XYLT1: variants seen among roughly 807,000 people sequenced by gnomAD.
XYLT1 encodes the protein beta-D-xylosyltransferase 1.
Under a neutral mutation model 91.3 loss-of-function variants are expected in XYLT1, and 36 were observed. The ratio of observed to expected loss-of-function variants is 0.39; its 90% CI spans 0.30 to 0.52. XYLT1 has a LOEUF of 0.52. Among genes scored for constraint, XYLT1 ranks in the 20% least tolerant of loss-of-function variants. The pLI is 0.68. For missense variants in XYLT1, 1,242 were observed against 1,284.5 expected, an observed-to-expected ratio of 0.97 and a Z score of 0.51; for synonymous variants, 588 against 532.0, an observed-to-expected ratio of 1.11 and a Z score of -1.45.
At chr16:17,436,122 C>T (rs2036456179) in intron 1 of XYLT1, among the ~76,000 whole-genome samples, 1 of 152,230 alleles carries the variant, frequency 6.6e-6, no homozygotes, top group Non-Finnish European at 1.5e-5. Flanking sequence ...TACCTGCCAT[C>T]AAGTAAGACA....
chr16:17,150,885 G>T (rs1406528718), intron 6 of XYLT1, among the ~76,000 whole-genome samples: 1 of 152,174 alleles, frequency 6.6e-6, no homozygotes, highest in Non-Finnish European at 1.5e-5. Flanking sequence ...TCAAAGAGAA[G>T]GAATCAGTCC....
At chr16:17,404,353 A>T (rs2036004592) in intron 1 of XYLT1, among the ~76,000 whole-genome samples, 1 of 152,212 alleles carries the variant, frequency 6.6e-6, no homozygotes, top group Admixed American at 6.5e-5. Flanking sequence ...GGCGTGGAGC[A>T]GGTCACACAG....
chr16:17,403,113 G>A (rs978748483), intron 1 of XYLT1, among the ~76,000 whole-genome samples: 1 of 152,192 alleles, frequency 6.6e-6, no homozygotes, highest in African/African-American at 2.4e-5. Context: ...ACAAGTAACT[G>A]ATGGTAATAA....
Position 17,337,460 on chromosome 16 carries a change from C to T in XYLT1, c.402+20552G>A, listed in dbSNP as rs185523515. Among the ~76,000 whole-genome samples the T allele has an allele frequency of 1.5e-3, 232 of 152,234 alleles. 1 individual carries two copies. The highest frequency in any genetic ancestry group is 5.5e-3 in the African/African-American group (227 of 41,526). ...TCAGCCTCCCAAAGTGCTAGGATTA[C>T]AGGCGTGAGCCACCATGCCCGGCCT... On this transcript the variant is annotated intron_variant, in intron 2 of 11. Transcript: ENST00000261381.
chr16:17,386,382 C>A (rs7187505), intron 1 of XYLT1, among the ~76,000 whole-genome samples: 1 of 151,864 alleles, frequency 6.6e-6, no homozygotes, highest in Non-Finnish European at 1.5e-5. Flanking sequence ...GAGCTGGAGG[C>A]GGGGAGGTTA....
intron 8 of XYLT1, 178 bp downstream of exon 8, chr16:17,138,177 T>TGAAGTTAGAACATCCCC: frequency 1.5e-6 from 1 of 689,344 alleles, no homozygotes; most frequent in Non-Finnish European, 2.4e-6. Context: ...AGAACATCCC[T>TGAAGTTAGAACATCCCC]GAAGTAAGTG....
chr16:17,207,063 T>C (rs1235638385), intron 3 of XYLT1, among the ~76,000 whole-genome samples: 2 of 148,018 alleles, frequency 1.4e-5, no homozygotes, highest in African/African-American at 5.0e-5. Flanking sequence ...TTTTTTTTTT[T>C]TTTTTTTTTT....
At chr16:17,144,055 T>A (rs1567294487) in intron 6 of XYLT1, among the ~76,000 whole-genome samples, 1 of 152,204 alleles carries the variant, frequency 6.6e-6, no homozygotes, top group South Asian at 2.1e-4. Flanking sequence ...CCAGAGACAG[T>A]ACTTTTATTA....
intron 1 of XYLT1, among the ~76,000 whole-genome samples, chr16:17,409,710 C>G: frequency 6.6e-6 from 1 of 151,772 alleles, no homozygotes; most frequent in East Asian, 1.9e-4. Flanking sequence ...CCACCACGTC[C>G]GACTAATTTT....
At chr16:17,165,379 C>T (rs1425380084) in intron 5 of XYLT1, among the ~76,000 whole-genome samples, 1 of 152,174 alleles carries the variant, frequency 6.6e-6, no homozygotes, top group Non-Finnish European at 1.5e-5. Flanking sequence ...AACGGTTGCA[C>T]AGGATCCTAT....
chr16:17,293,842 G>C (rs1046193730), intron 2 of XYLT1, among the ~76,000 whole-genome samples: 5 of 152,134 alleles, frequency 3.3e-5, no homozygotes, highest in African/African-American at 1.2e-4. Context: ...TGTTCAGAAA[G>C]GTCATTGCCC....
intron 2 of XYLT1, among the ~76,000 whole-genome samples, chr16:17,265,403 C>T (rs1382215874): frequency 6.6e-6 from 1 of 152,200 alleles, no homozygotes; most frequent in Non-Finnish European, 1.5e-5. Context: ...GCATCATCTT[C>T]TCTACTCTTC....
At chr16:17,379,753 T>TCA (rs1221357179) in intron 1 of XYLT1, among the ~76,000 whole-genome samples, 5,818 of 127,648 alleles carry the variant, frequency 0.046, 147 homozygotes, top group Non-Finnish European at 0.071. Context: ...TCTCTCTCTC[T>TCA]CTCTCTCTCT....
At chr16:17,265,768 C>T (rs2033795069) in intron 2 of XYLT1, among the ~76,000 whole-genome samples, 1 of 147,548 alleles carries the variant, frequency 6.8e-6, no homozygotes, top group Non-Finnish European at 1.5e-5. Context: ...CCCAGGTTCT[C>T]TTGGTTCAGG....
At chr16:17,302,271 C>G (rs917206065) in intron 2 of XYLT1, among the ~76,000 whole-genome samples, 2 of 152,078 alleles carry the variant, frequency 1.3e-5, no homozygotes, top group Non-Finnish European at 2.9e-5. Flanking sequence ...GAGGTCAACC[C>G]AGGCCCAGGT....
At chr16:17,301,097 G>A (rs1458823861) in intron 2 of XYLT1, among the ~76,000 whole-genome samples, 1 of 152,012 alleles carries the variant, frequency 6.6e-6, no homozygotes, top group African/African-American at 2.4e-5. Context: ...AAATTTGGGG[G>A]AGTATATGTG....
chr16:17,377,843 GT>G (rs1260496875), intron 1 of XYLT1, among the ~76,000 whole-genome samples: 6 of 152,072 alleles, frequency 3.9e-5, no homozygotes, highest in Non-Finnish European at 8.8e-5. Flanking sequence ...GCCCACTGGG[GT>G]TCAGAACAAG....
chr16:17,216,575 AG>A (rs34673756), intron 3 of XYLT1, among the ~76,000 whole-genome samples: 40,416 of 152,110 alleles, frequency 0.27, 6,354 homozygotes, highest in East Asian at 0.49. Context: ...TAATGCAGAC[AG>A]GAATAATTAT....
intron 1 of XYLT1, among the ~76,000 whole-genome samples, chr16:17,409,731 G>C (rs1220310838): frequency 6.6e-6 from 1 of 151,850 alleles, no homozygotes; most frequent in Non-Finnish European, 1.5e-5. Context: ...TGTATGTTTA[G>C]TAGAGATGGG....
Sources: allele counts gnomAD v4.1 joint callset (sites outside exome capture counted in the v4.1 genomes callset), GRCh38; gene constraint gnomAD v4.1.1; transcripts MANE v1.5; gene names NCBI Gene and HGNC (gene_info 2026-07-23, HGNC 2026-07-21).